The following NFASC variants were observed in gnomAD, a reference collection of about 807,000 sequenced individuals.
NFASC encodes the protein neurofascin, also known as neurofascin homolog.
A neutral mutation model predicts 147.5 loss-of-function variants in NFASC; 43 were observed. The observed-to-expected ratio is 0.29, with a 90% CI of 0.23 to 0.38. The LOEUF (loss-of-function observed/expected upper bound fraction) is 0.38. NFASC is among the 10% of genes least tolerant of loss of function. NFASC has a pLI of 1.00. For missense variants in NFASC, 1,320 were observed against 1,689.0 expected, an observed-to-expected ratio of 0.78 and a Z score of 3.83; for synonymous variants, 622 against 665.5, an observed-to-expected ratio of 0.93 and a Z score of 1.01.
chr1:204,964,905 G>A lies in NFASC; in HGVS notation c.707-3344G>A, dbSNP rs16854826. 2.8e-3 allele frequency among the ~76,000 whole-genome samples: 428 copies of A among 152,276 alleles called. 12 individuals carry two copies. The East Asian group carries it at 0.067, about 24-fold the overall frequency. On this transcript the variant is annotated intron_variant, in intron 8 of 29. Transcript: ENST00000339876. ...GTCTTGATGTTTCCTCAAAAGAGAT[G>A]ATCAAGAGGCATTTATCGTTGGACC...
intron 5 of NFASC, among the ~76,000 whole-genome samples, chr1:204,953,105 A>AGCCCCTGCTGTTCCAGCT (rs2094220602): frequency 6.6e-6 from 1 of 152,196 alleles, no homozygotes; most frequent in Non-Finnish European, 1.5e-5. Flanking sequence ...GGCACTGAGC[A>AGCCCCTGCTGTTCCAGCT]GCCCCTGCTG....
Position 205,008,954 on chromosome 1 carries a change from A to C in NFASC, c.3290-603A>C, listed in dbSNP as rs74989749. 7.8e-3 allele frequency: 1,305 copies of C among 166,496 alleles called. 7 individuals carry two copies. The highest frequency in any genetic ancestry group is 0.013 in the Non-Finnish European group (986 of 76,340). 10.3% of individuals were successfully genotyped at this position (166,496 alleles called of 1,614,324 possible). ...TCAGGAAGCGCAGGATCCACTAGAG[A>C]GATGTGAAAAGATGACAGGGCATCC... On this transcript the variant is annotated intron_variant, in intron 27 of 29. Transcript: ENST00000339876.
At chr1:204,927,836 C>T (rs556007799) in intron 2 of NFASC, among the ~76,000 whole-genome samples, 50 of 152,302 alleles carry the variant, frequency 3.3e-4, no homozygotes, top group Non-Finnish European at 6.5e-4. Context: ...ACTTCACAAG[C>T]CTCTCCCTCC....
chr1:204,994,457 A>C (rs1402967525), intron 24 of NFASC, among the ~76,000 whole-genome samples: 1 of 152,094 alleles, frequency 6.6e-6, no homozygotes, highest in Non-Finnish European at 1.5e-5. Flanking sequence ...GCCCCCAGCT[A>C]TGGCCCTGTT....
chr1:204,915,724 G>T (rs1222094255), intron 1 of NFASC, among the ~76,000 whole-genome samples: 1 of 152,192 alleles, frequency 6.6e-6, no homozygotes, highest in African/African-American at 2.4e-5. Flanking sequence ...TATTCAAGGG[G>T]TAGAGGCACA....
At chr1:204,989,767 T>C (rs1360134409) in intron 23 of NFASC, 1 of 152,238 alleles carries the variant, frequency 6.6e-6, no homozygotes, top group East Asian at 1.9e-4. Context: ...GAATATCTAA[T>C]TGCATGTCTA....
chr1:204,851,394 A>G (rs527290543), intron 1 of NFASC, among the ~76,000 whole-genome samples: 1 of 148,286 alleles, frequency 6.7e-6, no homozygotes, highest in Admixed American at 6.9e-5. Flanking sequence ...GTGCAGTGGC[A>G]TGATCCTGAC....
At chr1:204,841,961 C>G (rs1033443062) in intron 1 of NFASC, among the ~76,000 whole-genome samples, 1 of 152,192 alleles carries the variant, frequency 6.6e-6, no homozygotes. Flanking sequence ...TAAAAGGAAA[C>G]AGGAAGGGTT....
At chr1:204,916,630 G>T (rs1242449660) in intron 1 of NFASC, among the ~76,000 whole-genome samples, 2 of 152,224 alleles carry the variant, frequency 1.3e-5, no homozygotes, top group Admixed American at 1.3e-4. Flanking sequence ...ATCAATGAGG[G>T]TATTGGAGAG....
In NFASC at chr1:204,876,556, C is replaced by T. The variant is rs573326742; in HGVS notation, c.-199-44076C>T. On this transcript the variant is annotated intron_variant, in intron 1 of 29. Coordinates refer to ENST00000339876, the MANE Select transcript of NFASC (RefSeq NM_001005388.3). ...ATCATCACTACACCCATCTTCAAAA[C>T]CCTTTCATGCTCCCCAACTAGAACT... 3.3e-5 allele frequency among the ~76,000 whole-genome samples: 5 copies of T among 152,282 alleles called. No homozygotes were observed. In the South Asian group the frequency reaches 1.0e-3, roughly 32 times the overall value.
At chr1:204,899,219 T>G (rs2084017613) in intron 1 of NFASC, among the ~76,000 whole-genome samples, 1 of 152,270 alleles carries the variant, frequency 6.6e-6, no homozygotes, top group Non-Finnish European at 1.5e-5. Flanking sequence ...CATGACAATC[T>G]GCTTCTTCTT....
chr1:204,973,582 T>C (rs1357242195), intron 12 of NFASC, among the ~76,000 whole-genome samples, 163 bp downstream of exon 12: 1 of 152,230 alleles, frequency 6.6e-6, no homozygotes, highest in East Asian at 1.9e-4. Flanking sequence ...GGGAAAAAAT[T>C]TGTGAGAGGG....
At chr1:204,973,557 G>C in intron 12 of NFASC, 138 bp downstream of exon 12, 2 of 1,103,648 alleles carry the variant, frequency 1.8e-6, no homozygotes, top group Non-Finnish European at 2.5e-6. Flanking sequence ...TGTTGGATAG[G>C]GGAAACATGG....
At chr1:204,944,128 A>AC in intron 2 of NFASC, 98 bp from the exon 3 acceptor site, 1 of 1,045,664 alleles carries the variant, frequency 9.6e-7, no homozygotes, top group Non-Finnish European at 1.4e-6. Context: ...TTACTCTGTG[A>AC]CCAAGGGGGC....
At chr1:204,905,058 A>G (rs1281208401) in intron 1 of NFASC, among the ~76,000 whole-genome samples, 1 of 152,124 alleles carries the variant, frequency 6.6e-6, no homozygotes, top group East Asian at 1.9e-4. Context: ...TACCAGAAGC[A>G]ATTGTTATCT....
At chr1:204,985,688 G>A (rs930105011) in intron 21 of NFASC, among the ~76,000 whole-genome samples, 1 of 152,206 alleles carries the variant, frequency 6.6e-6, no homozygotes, top group Non-Finnish European at 1.5e-5. Context: ...GAAAATAATT[G>A]GAACCAAAAC....
At chr1:204,921,296 C>T (rs902448820) in intron 2 of NFASC, among the ~76,000 whole-genome samples, 2 of 152,242 alleles carry the variant, frequency 1.3e-5, no homozygotes, top group Admixed American at 1.3e-4. Context: ...TCCTGTTTTA[C>T]TCTCAGGCCC....
chr1:204,980,566 G>T (rs1266398839), intron 20 of NFASC, 126 bp downstream of exon 20: 2 of 721,036 alleles, frequency 2.8e-6, no homozygotes, highest in Non-Finnish European at 4.6e-6. Flanking sequence ...GGTCTTGGTG[G>T]CCATTCTTCT....
chr1:204,888,240 C>G (rs2081693640), intron 1 of NFASC, among the ~76,000 whole-genome samples: 1 of 152,206 alleles, frequency 6.6e-6, no homozygotes, highest in Non-Finnish European at 1.5e-5. Context: ...TCCCACTGTA[C>G]TGCAGAACCA....
Sources: allele counts gnomAD v4.1 joint callset (sites outside exome capture counted in the v4.1 genomes callset), GRCh38; gene constraint gnomAD v4.1.1; transcripts MANE v1.5; gene names NCBI Gene and HGNC (gene_info 2026-07-23, HGNC 2026-07-21).